ROBO2: variants seen among roughly 807,000 people sequenced by gnomAD.
ROBO2 encodes the protein roundabout guidance receptor 2.
Under a neutral mutation model 160.8 loss-of-function variants are expected in ROBO2, and 53 were observed. The ratio of observed to expected loss-of-function variants is 0.33; its 90% CI spans 0.26 to 0.41. The LOEUF (loss-of-function observed/expected upper bound fraction) is 0.41. Among genes scored for constraint, ROBO2 ranks in the 10% least tolerant of loss-of-function variants. ROBO2 has a pLI of 1.00. For synonymous variants in ROBO2, 664 were observed against 611.7 expected (o/e 1.09, Z -1.26); for missense variants, 1,577 against 1,722.4 (o/e 0.92, Z 1.49).
At chr3:76,790,509 T>C (rs1203182404) in intron 2 of ROBO2, among the ~76,000 whole-genome samples, 1 of 151,730 alleles carries the variant, frequency 6.6e-6, no homozygotes, top group Non-Finnish European at 1.5e-5. Flanking sequence ...GAAAATGTAA[T>C]AAATCAAAAA....
intron 2 of ROBO2, among the ~76,000 whole-genome samples, chr3:76,266,031 T>G (rs534000360): frequency 6.6e-6 from 1 of 152,280 alleles, no homozygotes; most frequent in African/African-American, 2.4e-5. Context: ...ATTGAAGGTT[T>G]TCAACTAAAA....
At chr3:76,119,554 G>A (rs2070631452) in intron 2 of ROBO2, among the ~76,000 whole-genome samples, 1 of 151,848 alleles carries the variant, frequency 6.6e-6, no homozygotes, top group Admixed American at 6.6e-5. Flanking sequence ...TCAGAGGCAA[G>A]CTTAGGGTTA....
chr3:76,932,903 C>T (rs1384040628), intron 2 of ROBO2, among the ~76,000 whole-genome samples: 8 of 152,080 alleles, frequency 5.3e-5, no homozygotes, highest in South Asian at 2.1e-4. Flanking sequence ...GCCCCCGCCC[C>T]GGCCCCGAGA....
chr3:76,013,702 GTGGCTTA>G, intron 2 of ROBO2, among the ~76,000 whole-genome samples: 1 of 151,618 alleles, frequency 6.6e-6, no homozygotes, highest in African/African-American at 2.4e-5. Flanking sequence ...GCTGGGTACA[GTGGCTTA>G]TGCATGTAAT....
intron 2 of ROBO2, among the ~76,000 whole-genome samples, chr3:76,734,505 T>A (rs768669355): frequency 6.6e-6 from 1 of 152,204 alleles, no homozygotes; most frequent in Non-Finnish European, 1.5e-5. Flanking sequence ...TTGGTAATTA[T>A]CTTTTTGGAA....
At chr3:76,371,396 TG>T (rs1215812226) in intron 2 of ROBO2, among the ~76,000 whole-genome samples, 2 of 151,980 alleles carry the variant, frequency 1.3e-5, no homozygotes, top group African/African-American at 2.4e-5. Flanking sequence ...GCACATTTGC[TG>T]ATGTGAGAAA....
intron 2 of ROBO2, among the ~76,000 whole-genome samples, chr3:77,117,579 A>C (rs1461794506): frequency 1.3e-5 from 2 of 152,172 alleles, no homozygotes; most frequent in African/African-American, 4.8e-5. Flanking sequence ...CTGTATTTCA[A>C]AGTTCTACAT....
chr3:77,412,999 T>TCA (rs1305862655), intron 2 of ROBO2, among the ~76,000 whole-genome samples: 1 of 152,128 alleles, frequency 6.6e-6, no homozygotes, highest in African/African-American at 2.4e-5. Context: ...GGAGGGTAGC[T>TCA]TGGGTCCAGC....
chr3:77,583,228 C>T (rs1363982101), intron 16 of ROBO2, among the ~76,000 whole-genome samples: 1 of 150,220 alleles, frequency 6.7e-6, no homozygotes, highest in Non-Finnish European at 1.5e-5. Context: ...GTCTTTTCAA[C>T]TCAGGGATGC....
intron 2 of ROBO2, among the ~76,000 whole-genome samples, chr3:77,208,633 A>G (rs1202242036): frequency 6.6e-6 from 1 of 152,204 alleles, no homozygotes; most frequent in Non-Finnish European, 1.5e-5. Flanking sequence ...AAAGCCATAA[A>G]TGAGCAATCA....
rs1553651478 is a variant in ROBO2 at position 76,834,171 on chromosome 3, T to TTC, written c.110-263825_110-263824dup. 7.1e-3 allele frequency among the ~76,000 whole-genome samples: 826 copies of TTC among 117,096 alleles called. 35 individuals carry two copies. Among genetic ancestry groups the TTC allele is most frequent in the African/African-American group, 0.019 (583 of 31,296 alleles). 76.8% of individuals were successfully genotyped at this position (117,096 alleles called of 152,430 possible). On this transcript the variant is annotated intron_variant, in intron 2 of 26. Transcript: ENST00000487694. ...CCTTTCTTTCTCTCTCTTTCTTTCTTTCTCTCTCTCTCTCTCTCTTTCTTT... is the reference window on the plus strand; with the variant it reads ...CCTTTCTTTCTCTCTCTTTCTTTCTTTCTCTCTCTCTCTCTCTCTCTTTCTTT...
At chr3:76,021,571 G>A (rs2066575336) in intron 2 of ROBO2, among the ~76,000 whole-genome samples, 2 of 151,736 alleles carry the variant, frequency 1.3e-5, no homozygotes, top group Non-Finnish European at 2.9e-5. Flanking sequence ...CTGCAATAAA[G>A]CAAACATTGC....
At chr3:77,221,854 C>CTTTTTTTTTTTTTTTTTTTTTTTTT (rs5850317) in intron 2 of ROBO2, among the ~76,000 whole-genome samples, 1 of 140,284 alleles carries the variant, frequency 7.1e-6, no homozygotes, top group Non-Finnish European at 1.5e-5. Context: ...TTTTCTTTTT[C>CTTTTTTTTTTTTTTTTTTTTTTTTT]TTTTTTTTTT....
chr3:76,532,755 AG>A (rs903738969), intron 2 of ROBO2, among the ~76,000 whole-genome samples: 10 of 152,186 alleles, frequency 6.6e-5, no homozygotes, highest in Admixed American at 5.9e-4. Flanking sequence ...CAGTGCAAAA[AG>A]GGAAACAGTT....
At chr3:76,618,450 AATAT>A (rs1239528183) in intron 2 of ROBO2, among the ~76,000 whole-genome samples, 1 of 150,064 alleles carries the variant, frequency 6.7e-6, no homozygotes, top group African/African-American at 2.5e-5. Flanking sequence ...TATATATATA[AATAT>A]ATATATAATC....
At chr3:75,942,971 T>G (rs1417096031) in intron 2 of ROBO2, among the ~76,000 whole-genome samples, 2 of 151,856 alleles carry the variant, frequency 1.3e-5, no homozygotes, top group African/African-American at 2.4e-5. Flanking sequence ...ATGCTGTATA[T>G]CTACTAGCAG....
At chr3:76,848,495 C>A (rs1041742326) in intron 2 of ROBO2, among the ~76,000 whole-genome samples, 1 of 152,144 alleles carries the variant, frequency 6.6e-6, no homozygotes, top group African/African-American at 2.4e-5. Flanking sequence ...AGAAACCCAC[C>A]GCTACCTCTG....
intron 2 of ROBO2, among the ~76,000 whole-genome samples, chr3:76,121,939 A>C (rs2070769064): frequency 1.3e-5 from 2 of 152,186 alleles, no homozygotes; most frequent in Non-Finnish European, 2.9e-5. Flanking sequence ...TAACGTGAAG[A>C]TATTATTTAA....
chr3:76,158,222 A>G (rs933494345), intron 2 of ROBO2, among the ~76,000 whole-genome samples: 3 of 152,002 alleles, frequency 2.0e-5, no homozygotes, highest in African/African-American at 7.2e-5. Flanking sequence ...ACTACCATCT[A>G]TCAAACCAGC....
Sources: gnomAD v4.1 joint callset for allele counts (sites outside exome capture counted in the v4.1 genomes callset) on GRCh38, gnomAD v4.1.1 for gene constraint, MANE v1.5 for transcripts, NCBI Gene and HGNC (gene_info 2026-07-23, HGNC 2026-07-21) for gene names.